FLRT2: variants seen among roughly 807,000 people sequenced by gnomAD.
The protein encoded by FLRT2 is leucine-rich repeat transmembrane protein FLRT2.
A neutral mutation model predicts 40.0 loss-of-function variants in FLRT2; 15 were observed. The observed-to-expected ratio is 0.38, with a 90% CI of 0.25 to 0.58. The LOEUF is 0.58. Ranked by LOEUF, FLRT2 falls within the 20% of genes least tolerant of loss-of-function variation. FLRT2 has a pLI of 0.71. For synonymous variants in FLRT2, 380 were observed against 336.8 expected, an observed-to-expected ratio of 1.13 and a Z score of -1.41; for missense variants, 726 against 840.0, an observed-to-expected ratio of 0.86 and a Z score of 1.68.
intron 1 of FLRT2, among the ~76,000 whole-genome samples, chr14:85,578,048 C>T (rs1230069810): frequency 1.3e-5 from 2 of 150,022 alleles, no homozygotes; most frequent in African/African-American, 4.9e-5. Context: ...TCCACTGCCA[C>T]CTTTTTGTTG....
intron 1 of FLRT2, among the ~76,000 whole-genome samples, chr14:85,604,131 T>G (rs1371984112): frequency 6.6e-6 from 1 of 151,932 alleles, no homozygotes; most frequent in Non-Finnish European, 1.5e-5. Flanking sequence ...TGGAGTATCT[T>G]GAGGGTGGGA....
chr14:85,606,125 A>G (rs1252387194), intron 1 of FLRT2, among the ~76,000 whole-genome samples: 4 of 152,326 alleles, frequency 2.6e-5, no homozygotes, highest in African/African-American at 7.2e-5. Flanking sequence ...TTTATATTAT[A>G]TAATTACAGT....
intron 1 of FLRT2, among the ~76,000 whole-genome samples, chr14:85,612,321 G>A (rs973490895): frequency 1.3e-5 from 2 of 152,068 alleles, no homozygotes; most frequent in Non-Finnish European, 2.9e-5. Flanking sequence ...TCTGTGTTTG[G>A]AGAACACATC....
At position 85,653,299 on chromosome 14, in the gene FLRT2, A is replaced by G. The variant is rs1407566080; in HGVS notation, c.*29802A>G. On this transcript the variant is annotated 3_prime_UTR_variant, in exon 2 of 2. Transcript: ENST00000330753. Reference sequence around the variant, plus strand: ...ACAGATGTAACTTGGAGAAGTACCAATTTTGTCATTCTAGATGAGAAATCT... The same window carrying G: ...ACAGATGTAACTTGGAGAAGTACCAGTTTTGTCATTCTAGATGAGAAATCT... 1.3e-5 allele frequency: 2 copies of G among 152,098 alleles called. No homozygotes were observed. The highest frequency in any genetic ancestry group is 4.8e-5 in the African/African-American group (2 of 41,420). 9.4% of individuals were successfully genotyped at this position (152,098 alleles called of 1,614,324 possible).
intron 1 of FLRT2, among the ~76,000 whole-genome samples, chr14:85,538,772 T>C (rs2139806056): frequency 6.6e-6 from 1 of 152,220 alleles, no homozygotes; most frequent in African/African-American, 2.4e-5. Context: ...ATACTGTCCA[T>C]TGAAGTCAAC....
At position 85,555,689 on chromosome 14, in the gene FLRT2, C is replaced by CTATTTTATTT. The variant is rs142498787; in HGVS notation, c.-377+25192_-377+25201dup. Among the ~76,000 whole-genome samples, 376 of 117,848 alleles carry CTATTTTATTT rather than the reference C, an allele frequency of 3.2e-3. 2 individuals carry two copies. Among genetic ancestry groups the CTATTTTATTT allele is most frequent in the Middle Eastern group, 0.016 (4 of 246 alleles). The allele number at this position is 117,848 out of a possible 152,430, so 77.3% of individuals were successfully genotyped here. A position where few individuals can be genotyped will look rare whatever the true frequency, so the allele number is the denominator to read the frequency against. ...TAACTATTTCTCTCTTATCTGAAAT[C>CTATTTTATTT]TATTTTATTTTATTTTATTTTATTT... is the stretch of plus-strand genomic sequence containing the variant. On this transcript the variant is annotated intron_variant, in intron 1 of 1. Coordinates refer to ENST00000330753, the MANE Select transcript of FLRT2 (RefSeq NM_013231.6).
At chr14:85,593,644 T>C (rs1460947737) in intron 1 of FLRT2, among the ~76,000 whole-genome samples, 2 of 152,260 alleles carry the variant, frequency 1.3e-5, no homozygotes, top group Non-Finnish European at 2.9e-5. Context: ...GCCAACCTTC[T>C]ACTGTTTCTT....
intron 1 of FLRT2, among the ~76,000 whole-genome samples, chr14:85,574,222 G>A (rs1891023166): frequency 6.6e-6 from 1 of 150,814 alleles, no homozygotes; most frequent in Admixed American, 6.6e-5. Context: ...TAAAAATAGA[G>A]GATAAATGAT....
In FLRT2 at chr14:85,646,625, T is replaced by A. The variant is rs1250251922; in HGVS notation, c.*23128T>A. The stretch of plus-strand genomic sequence containing the variant: ...GCTTCTCGAATTTTTTTTTCTTTTA[T>A]TTATTTTTTGAGATGGAGTCTTGCT... On this transcript the variant is annotated 3_prime_UTR_variant, in exon 2 of 2. Coordinates refer to ENST00000330753, the MANE Select transcript of FLRT2 (RefSeq NM_013231.6). 6.6e-6 allele frequency: 1 copy of A among 152,180 alleles called. No individual in the cohort carries two copies. Among genetic ancestry groups the A allele is most frequent in the Admixed American group, 6.6e-5 (1 of 15,262 alleles). The allele number at this position is 152,180 out of a possible 1,614,324, so 9.4% of individuals were successfully genotyped here.
chr14:85,605,588 G>A (rs1749139039), intron 1 of FLRT2, among the ~76,000 whole-genome samples: 1 of 152,084 alleles, frequency 6.6e-6, no homozygotes, highest in Admixed American at 6.6e-5. Flanking sequence ...GGCTAACACG[G>A]TGAAACCCCG....
At chr14:85,532,358 A>C (rs1381794792) in intron 1 of FLRT2, among the ~76,000 whole-genome samples, 1 of 152,226 alleles carries the variant, frequency 6.6e-6, no homozygotes, top group Admixed American at 6.5e-5. Context: ...AACTTACTGG[A>C]GGCAGGAAGA....
rs746584358 is a variant in FLRT2, at chr14:85,623,135, T to C, written c.1621T>C (p.Phe541Leu). The change falls in exon 2 of 2, where the codon TTT becomes CTT. Residue 541 changes from phenylalanine to leucine, a missense_variant. Physicochemically the swap from Phe to Leu is conservative, Grantham distance 22. Around this residue, in one of 3 missense-constraint regions of FLRT2, gnomAD observed 611 missense variants for 690.0 expected, o/e 0.89. Transcript: ENST00000330753. ...GACGTCCCACAGCATGGGCTCCCCCTTTCTGCTGGCGGGCTTGATCGGGGG... is the reference window on the plus strand; with the variant it reads ...GACGTCCCACAGCATGGGCTCCCCCCTTCTGCTGGCGGGCTTGATCGGGGG... ...QTTSHSMGSP[F>L]LLAGLIGGAV... is the part of the protein sequence containing the mutation. 1.2e-6 allele frequency: 2 copies of C among 1,603,040 alleles called. No individual in the cohort carries two copies. Among genetic ancestry groups the C allele is most frequent in the South Asian group, 2.2e-5 (2 of 89,898 alleles).
intron 1 of FLRT2, among the ~76,000 whole-genome samples, chr14:85,618,581 C>T (rs929119612): frequency 1.3e-5 from 2 of 152,096 alleles, no homozygotes; most frequent in Non-Finnish European, 2.9e-5. Flanking sequence ...ATAGTCATTG[C>T]ACTGCTCCAC....
intron 1 of FLRT2, among the ~76,000 whole-genome samples, chr14:85,608,752 C>G (rs1209224015): frequency 6.6e-6 from 1 of 152,196 alleles, no homozygotes; most frequent in Non-Finnish European, 1.5e-5. Context: ...CACGACCCTT[C>G]TCTTCTTGGA....
At chr14:85,568,604 T>G (rs11159711) in intron 1 of FLRT2, among the ~76,000 whole-genome samples, 45,284 of 151,966 alleles carry the variant, frequency 0.3, 7,292 homozygotes, top group Middle Eastern at 0.42. Flanking sequence ...TTCCTGCTTT[T>G]TTGTTGTTGT....
intron 1 of FLRT2, among the ~76,000 whole-genome samples, chr14:85,591,740 A>G (rs1277030281): frequency 6.6e-6 from 1 of 152,156 alleles, no homozygotes; most frequent in Non-Finnish European, 1.5e-5. Context: ...AACAGCTGAA[A>G]ATATAACAAA....
rs1595100157 is a variant in FLRT2 at position 85,623,773 on chromosome 14, T to C, written c.*276T>C. 5 of 316,912 alleles carry C rather than the reference T, an allele frequency of 1.6e-5. No homozygotes were observed. The East Asian group carries it at 2.7e-4, about 17-fold the overall frequency. 19.6% of individuals were successfully genotyped at this position (316,912 alleles called of 1,614,324 possible). A position where few individuals can be genotyped will look rare whatever the true frequency, so the allele number is the denominator to read the frequency against. ...TGAAGTACTGTACAGGGTTGTACAATGAGAACCCAATGCCAAGGCAAAAAG... is the reference window on the plus strand; with the variant it reads ...TGAAGTACTGTACAGGGTTGTACAACGAGAACCCAATGCCAAGGCAAAAAG... On this transcript the variant is annotated 3_prime_UTR_variant, in exon 2 of 2. Coordinates refer to ENST00000330753, the MANE Select transcript of FLRT2 (RefSeq NM_013231.6).
intron 1 of FLRT2, among the ~76,000 whole-genome samples, chr14:85,584,343 C>T (rs1332810913): frequency 6.6e-6 from 1 of 152,092 alleles, no homozygotes; most frequent in Non-Finnish European, 1.5e-5. Flanking sequence ...CAAAAGAAAT[C>T]ATATTAAAAA....
In FLRT2 at chr14:85,635,488, AC is replaced by A. The variant is rs1206582872; in HGVS notation, c.*11992del. ...AAAATTATCAAAGATAGAGTGTCGT[AC>A]AATAAAAATTGTATAAAAAATTGTT... is the stretch of plus-strand genomic sequence containing the variant. On this transcript the variant is annotated 3_prime_UTR_variant, in exon 2 of 2. Coordinates refer to ENST00000330753, the MANE Select transcript of FLRT2 (RefSeq NM_013231.6). 2 of 152,120 alleles carry A rather than the reference AC, an allele frequency of 1.3e-5. No homozygotes were observed. Among genetic ancestry groups the A allele is most frequent in the African/African-American group, 4.8e-5 (2 of 41,464 alleles). The allele number at this position is 152,120 out of a possible 1,614,324, so 9.4% of individuals were successfully genotyped here. A position where few individuals can be genotyped will look rare whatever the true frequency, so the allele number is the denominator to read the frequency against.
Sources: allele counts gnomAD v4.1 joint callset (sites outside exome capture counted in the v4.1 genomes callset), GRCh38; gene constraint gnomAD v4.1.1; regional missense constraint gnomAD v4.1.1; transcripts MANE v1.5; gene names NCBI Gene and HGNC (gene_info 2026-07-23, HGNC 2026-07-21).